The following CSMD3 variants were observed in gnomAD, a reference collection of about 807,000 sequenced individuals.
CSMD3 encodes the protein CUB and sushi domain-containing protein 3.
Under a neutral mutation model 435.2 loss-of-function variants are expected in CSMD3, and 177 were observed. The ratio of observed to expected loss-of-function variants is 0.41; its 90% confidence interval spans 0.36 to 0.46. The LOEUF is 0.46. CSMD3 is among the 20% of genes least tolerant of loss of function. The pLI is 0.34. For missense variants in CSMD3, 4,265 were observed against 4,504.6 expected, an observed-to-expected ratio of 0.95 and a Z score of 1.52; for synonymous variants, 1,656 against 1,520.5, an observed-to-expected ratio of 1.09 and a Z score of -2.07.
In CSMD3 at chr8:112,633,355, C is replaced by T. The variant is rs114590446; in HGVS notation, c.3715+3462G>A. Among the ~76,000 whole-genome samples, 290 of 152,132 alleles carry T rather than the reference C, an allele frequency of 1.9e-3. 3 individuals are homozygous for T. The highest frequency in any genetic ancestry group is 6.7e-3 in the African/African-American group (279 of 41,534). ...TGGTGTGCTACTACTGTGGACCATA[C>T]ACAGGACTTAGACTCGGAACATTGT... On this transcript the variant is annotated intron_variant, in intron 22 of 70. Transcript: ENST00000297405.
chr8:113,060,829 G>T (rs1358892733), intron 5 of CSMD3, among the ~76,000 whole-genome samples: 1 of 152,048 alleles, frequency 6.6e-6, no homozygotes, highest in African/African-American at 2.4e-5. Context: ...ACCCTGCATC[G>T]CAAATCAGCT....
intron 1 of CSMD3, among the ~76,000 whole-genome samples, chr8:113,418,954 A>G (rs949228238): frequency 6.6e-6 from 1 of 152,202 alleles, no homozygotes; most frequent in South Asian, 2.1e-4. Flanking sequence ...ACTTACAGAG[A>G]ATCACAGTAG....
intron 7 of CSMD3, among the ~76,000 whole-genome samples, chr8:112,973,539 G>A (rs972029264): frequency 2.6e-5 from 4 of 151,922 alleles, no homozygotes; most frequent in African/African-American, 9.6e-5. Context: ...AAGCATTTTA[G>A]GCATGTGTCT....
intron 12 of CSMD3, among the ~76,000 whole-genome samples, chr8:112,811,178 A>G (rs2079215850): frequency 6.6e-6 from 1 of 151,970 alleles, no homozygotes. Context: ...GAAGAGTAGA[A>G]ACAGCAATAC....
intron 34 of CSMD3, among the ~76,000 whole-genome samples, chr8:112,407,076 G>T (rs1586221061): frequency 1.3e-5 from 2 of 151,454 alleles, no homozygotes; most frequent in Non-Finnish European, 3.0e-5. Flanking sequence ...TTTAAACTTA[G>T]AATACCAAGT....
At chr8:112,646,527 T>C (rs2074985635) in intron 19 of CSMD3, among the ~76,000 whole-genome samples, 1 of 152,194 alleles carries the variant, frequency 6.6e-6, no homozygotes, top group South Asian at 2.1e-4. Context: ...AATTTTTTTG[T>C]CTGTAAGCTG....
At chr8:112,401,755 CT>C (rs1192709280) in intron 35 of CSMD3, among the ~76,000 whole-genome samples, 3 of 152,034 alleles carry the variant, frequency 2.0e-5, no homozygotes, top group Non-Finnish European at 4.4e-5. Context: ...TTTTCCTAAA[CT>C]TTCATATAAA....
chr8:113,281,524 T>A (rs968881196), intron 2 of CSMD3, among the ~76,000 whole-genome samples: 13 of 151,818 alleles, frequency 8.6e-5, no homozygotes, highest in African/African-American at 3.1e-4. Flanking sequence ...AATGTCTTTT[T>A]CCACCCCTTT....
rs2132459094 is a variant in CSMD3 at position 113,278,651 on chromosome 8, G to C, written c.455C>G (p.Ser152Ter). 1 of 1,604,852 alleles carries C rather than the reference G, an allele frequency of 6.2e-7. No individual in the cohort carries two copies. Among genetic ancestry groups the C allele is most frequent in the Non-Finnish European group, 8.5e-7 (1 of 1,171,986 alleles). Residue 152 changes from serine (S) to a stop codon, truncating the protein, a stop_gained, in exon 3 of 71, where the codon TCA becomes TGA. Coordinates refer to ENST00000297405, the MANE Select transcript of CSMD3 (RefSeq NM_198123.2). LOFTEE classifies it high-confidence loss of function. ...TGCAAAATCACTGGTCAAACGTAGT[G>C]AGAACACAGATTTGGTACTTGTCAC... Reference protein sequence around the residue: ...PPVTSTKSVFSLRLTSDFAVS... With the variant: ...PPVTSTKSVF
rs1357820600 is a variant in CSMD3 at position 112,231,536 on chromosome 8, A to G, written c.10828+9T>C. The stretch of plus-strand genomic sequence containing the variant: ...CAGAAGTTCGTGAAAATCAAAATGA[A>G]TACATTACCCAGTCTTTGTAGGCCA... On this transcript the variant is annotated intron_variant, in intron 69 of 70. Coordinates refer to ENST00000297405, the MANE Select transcript of CSMD3 (RefSeq NM_198123.2). 1 of 1,525,702 alleles carries G rather than the reference A, an allele frequency of 6.6e-7. No individual in the cohort carries two copies. The highest frequency in any genetic ancestry group is 9.1e-7 in the Non-Finnish European group (1 of 1,099,492). The allele number at this position is 1,525,702 out of a possible 1,614,324, so 94.5% of individuals were successfully genotyped here.
intron 1 of CSMD3, among the ~76,000 whole-genome samples, chr8:113,353,899 C>A (rs144480079): frequency 2.0e-5 from 3 of 152,188 alleles, no homozygotes; most frequent in Non-Finnish European, 4.4e-5. Flanking sequence ...TGCATCTTTT[C>A]TGCTTGTCTC....
At chr8:113,223,821 G>GAA (rs201166904) in intron 3 of CSMD3, among the ~76,000 whole-genome samples, 1 of 144,064 alleles carries the variant, frequency 6.9e-6, no homozygotes, top group African/African-American at 2.5e-5. Flanking sequence ...TGTATATAAG[G>GAA]AAAAAAAAAC....
chr8:113,346,400 C>G (rs1171929540), intron 1 of CSMD3, among the ~76,000 whole-genome samples: 2 of 151,958 alleles, frequency 1.3e-5, no homozygotes, highest in Admixed American at 1.3e-4. Flanking sequence ...AATGGCAGTT[C>G]AAAAAGCAAT....
At chr8:112,367,156 T>A (rs960858057) in intron 38 of CSMD3, among the ~76,000 whole-genome samples, 9 of 152,072 alleles carry the variant, frequency 5.9e-5, no homozygotes, top group African/African-American at 2.2e-4. Flanking sequence ...TTAAAATATA[T>A]GTATATAATA....
intron 5 of CSMD3, among the ~76,000 whole-genome samples, chr8:113,073,462 T>C (rs1181366838): frequency 6.6e-6 from 1 of 151,776 alleles, no homozygotes; most frequent in African/African-American, 2.4e-5. Flanking sequence ...GAACTCATGG[T>C]TTCCTATAAG....
At chr8:112,927,115 T>G (rs942606550) in intron 9 of CSMD3, among the ~76,000 whole-genome samples, 3 of 152,160 alleles carry the variant, frequency 2.0e-5, no homozygotes. Context: ...AAAAGTCTAA[T>G]TATTCTCTAA....
chr8:112,472,806 T>G lies in CSMD3; in HGVS notation c.5279-99A>C, dbSNP rs188406890. 2.1e-5 allele frequency: 15 copies of G among 712,620 alleles called. No individual in the cohort carries two copies. The African/African-American group carries it at 2.3e-4, about 11-fold the overall frequency. 44.1% of individuals were successfully genotyped at this position (712,620 alleles called of 1,614,324 possible). ...TATAAAAAATATATGGCTAATGGAA[T>G]TTAAGGTGTATAATTTATTTGCATC... On this transcript the variant is annotated intron_variant, in intron 31 of 70. Coordinates refer to ENST00000297405, the MANE Select transcript of CSMD3 (RefSeq NM_198123.2).
intron 3 of CSMD3, among the ~76,000 whole-genome samples, chr8:113,274,340 G>T (rs1161539423): frequency 6.6e-6 from 1 of 152,086 alleles, no homozygotes; most frequent in Non-Finnish European, 1.5e-5. Flanking sequence ...TATGAAAGTA[G>T]AGACTGTATA....
intron 19 of CSMD3, 122 bp from the exon 20 acceptor site, chr8:112,645,347 A>T: frequency 1.4e-6 from 1 of 723,302 alleles, no homozygotes; most frequent in Non-Finnish European, 2.5e-6. Context: ...CCTCCTAGTA[A>T]TAACAGGTGT....
Sources: gnomAD v4.1 joint callset for allele counts (sites outside exome capture counted in the v4.1 genomes callset) on GRCh38, gnomAD v4.1.1 for gene constraint, MANE v1.5 for transcripts, NCBI Gene and HGNC (gene_info 2026-07-23, HGNC 2026-07-21) for gene names.